The following HSPBAP1 variants were observed in gnomAD, a reference collection of about 807,000 sequenced individuals.
HSPBAP1 encodes HSPB1-associated protein 1.
In HSPBAP1, 27 loss-of-function variants were observed where a neutral mutation model predicts 45.2. The ratio of observed to expected loss-of-function variants is 0.60; its 90% CI spans 0.44 to 0.82. The LOEUF (loss-of-function observed/expected upper bound fraction) is 0.82. Ranked by LOEUF, HSPBAP1 falls within the 40% of genes least tolerant of loss-of-function variation. The pLI, the probability that HSPBAP1 is intolerant of heterozygous loss-of-function variation, is 0.00. For synonymous variants in HSPBAP1, 204 were observed against 202.7 expected, an observed-to-expected ratio of 1.01 and a Z score of -0.06; for missense variants, 510 against 590.9, an observed-to-expected ratio of 0.86 and a Z score of 1.42.
Position 122,780,114 on chromosome 3 carries a change from G to A in HSPBAP1, c.65-2208C>T, listed in dbSNP as rs1935361066. Among the ~76,000 whole-genome samples, 3 of 146,428 alleles carry A rather than the reference G, an allele frequency of 2.0e-5. No individual in the cohort carries two copies. The South Asian group carries it at 6.6e-4, about 32-fold the overall frequency. On this transcript the variant is annotated intron_variant, in intron 1 of 7. Transcript: ENST00000306103. ...CAGAGGCGCCCCTCACCTCCCGGACGGGGCGGCTGGCCGGGCGGGGAGCTG... is the reference window on the plus strand; with the variant it reads ...CAGAGGCGCCCCTCACCTCCCGGACAGGGCGGCTGGCCGGGCGGGGAGCTG...
Position 122,740,548 on chromosome 3 carries a change from C to T in HSPBAP1, c.1264G>A (p.Gly422Arg), listed in dbSNP as rs1203860706. 4.3e-6 allele frequency: 7 copies of T among 1,614,158 alleles called. No individual in the cohort carries two copies. The Admixed American group carries it at 1.2e-4, about 27-fold the overall frequency. The change falls in exon 8 of 8, where the codon GGA becomes AGA. Residue 422 changes from glycine (G) to arginine (R), a missense_variant. Transcript: ENST00000306103. ...SDGKDFVDKD[G>R]EHFGKLHCAK... The stretch of plus-strand genomic sequence containing the variant: ...CAATGCAATTTTCCAAAGTGTTCTC[C>T]ATCCTTGTCCACAAAGTCTTTCCCA...
chr3:122,791,596 G>A (rs1935832114), intron 1 of HSPBAP1, among the ~76,000 whole-genome samples: 1 of 152,254 alleles, frequency 6.6e-6, no homozygotes, highest in Admixed American at 6.5e-5. Flanking sequence ...AATGACAGAA[G>A]CAGGATGCTG....
At chr3:122,766,383 G>C (rs970681404) in intron 3 of HSPBAP1, among the ~76,000 whole-genome samples, 2 of 152,172 alleles carry the variant, frequency 1.3e-5, no homozygotes, top group Admixed American at 6.5e-5. Flanking sequence ...TTGGTGCCCA[G>C]AAAATTTTGA....
At chr3:122,782,196 C>T (rs1490568936) in intron 1 of HSPBAP1, among the ~76,000 whole-genome samples, 3 of 152,094 alleles carry the variant, frequency 2.0e-5, no homozygotes, top group Admixed American at 6.5e-5. Flanking sequence ...CAATTCTACT[C>T]GTTATATCAC....
chr3:122,773,937 C>G (rs1935098301), intron 2 of HSPBAP1, among the ~76,000 whole-genome samples: 1 of 152,222 alleles, frequency 6.6e-6, no homozygotes, highest in Admixed American at 6.5e-5. Flanking sequence ...CCATGGCCAG[C>G]CTGAAAGATC....
chr3:122,772,903 G>A (rs1211075206), intron 2 of HSPBAP1, among the ~76,000 whole-genome samples: 1 of 151,910 alleles, frequency 6.6e-6, no homozygotes, highest in Non-Finnish European at 1.5e-5. Flanking sequence ...CCATTGCCCA[G>A]GCTGGAGGGC....
In HSPBAP1 at chr3:122,768,716, C is replaced by T; in HGVS notation, c.417G>A (p.Lys139=). Residue 139 remains lysine (K), a synonymous_variant, in exon 3 of 8, where the codon AAG becomes AAA. Transcript: ENST00000306103. ...YKYFVSLFED[K]TDLFQDVKWS... The stretch of plus-strand genomic sequence containing the variant: ...TCTGACTTACCTGGAAAAGATCTGT[C>T]TTGTCTTCAAATAGACTGACAAAAT... 6.2e-7 allele frequency: 1 copy of T among 1,611,240 alleles called. No homozygotes were observed. Among genetic ancestry groups the T allele is most frequent in the Non-Finnish European group, 8.5e-7 (1 of 1,177,582 alleles).
chr3:122,764,988 T>C (rs1259079909), intron 3 of HSPBAP1, among the ~76,000 whole-genome samples: 2 of 152,204 alleles, frequency 1.3e-5, no homozygotes, highest in African/African-American at 4.8e-5. Context: ...TTGTAACATG[T>C]CTTGGACTTT....
At chr3:122,766,753 G>T (rs1934795142) in intron 3 of HSPBAP1, among the ~76,000 whole-genome samples, 1 of 152,218 alleles carries the variant, frequency 6.6e-6, no homozygotes, top group South Asian at 2.1e-4. Flanking sequence ...AGCTCTGAAG[G>T]CAGACTATTT....
At chr3:122,747,616 A>G (rs372127884) in intron 6 of HSPBAP1, among the ~76,000 whole-genome samples, 10 of 123,264 alleles carry the variant, frequency 8.1e-5, no homozygotes, top group African/African-American at 1.8e-4. Context: ...CAGCCGCCCC[A>G]TCTGGGAGGG....
chr3:122,765,840 A>G (rs1239067639), intron 3 of HSPBAP1, among the ~76,000 whole-genome samples: 1 of 152,218 alleles, frequency 6.6e-6, no homozygotes. Context: ...ATAAGAGTAG[A>G]GAGTTCATTC....
Position 122,766,732 on chromosome 3 carries a change from G to C in HSPBAP1, c.432+1969C>G, listed in dbSNP as rs190221905. Among the ~76,000 whole-genome samples, 86 of 152,366 alleles carry C rather than the reference G, an allele frequency of 5.6e-4. 1 individual carries two copies. In the East Asian group the frequency reaches 8.9e-3, roughly 16 times the overall value. ...TAGGCACAGCAGTAATTAAAGCTCT[G>C]TAGTAGTTAAAGCTCTGAAGGCAGA... On this transcript the variant is annotated intron_variant, in intron 3 of 7. Coordinates refer to ENST00000306103, the MANE Select transcript of HSPBAP1 (RefSeq NM_024610.6).
chr3:122,793,769 C>A lies in HSPBAP1; in HGVS notation c.-89G>T, dbSNP rs748458045. On this transcript the variant is annotated 5_prime_UTR_variant, in exon 1 of 8. Transcript: ENST00000306103. ...AGGGGCCAAACTCCGAGACCCGAAGCTGCACCACAGGAAGGAGCCCCGGCG... is the reference window on the plus strand; with the variant it reads ...AGGGGCCAAACTCCGAGACCCGAAGATGCACCACAGGAAGGAGCCCCGGCG... The A allele has an allele frequency of 5.4e-5, 68 of 1,260,350 alleles. No homozygotes were observed. The highest frequency in any genetic ancestry group is 7.7e-5 in the Non-Finnish European group (67 of 874,934). The allele number at this position is 1,260,350 out of a possible 1,614,324, so 78.1% of individuals were successfully genotyped here. A position where few individuals can be genotyped will look rare whatever the true frequency, so the allele number is the denominator to read the frequency against.
intron 6 of HSPBAP1, among the ~76,000 whole-genome samples, chr3:122,746,360 G>T (rs1300641960): frequency 6.7e-6 from 1 of 149,220 alleles, no homozygotes; most frequent in Non-Finnish European, 1.5e-5. Flanking sequence ...AAAAACAGAG[G>T]CAAGAATAGC....
At chr3:122,746,623 C>CCT (rs1010213571) in intron 6 of HSPBAP1, among the ~76,000 whole-genome samples, 58 of 148,304 alleles carry the variant, frequency 3.9e-4, no homozygotes, top group African/African-American at 1.3e-3. Context: ...TCTCCTCTCT[C>CCT]CTCTCTCTCT....
At position 122,757,882 on chromosome 3, in the gene HSPBAP1, C is replaced by T. The variant is rs566674780; in HGVS notation, c.569+1342G>A. Among the ~76,000 whole-genome samples, 12 of 152,300 alleles carry T rather than the reference C, an allele frequency of 7.9e-5. No individual in the cohort carries two copies. In the South Asian group the frequency reaches 2.5e-3, roughly 32 times the overall value. The stretch of plus-strand genomic sequence containing the variant: ...GCTACTTAAAATGTTGTCTCTCTTA[C>T]CAAGTTTAAGGTTTCAGCCTGTTAA... On this transcript the variant is annotated intron_variant, in intron 4 of 7. Coordinates refer to ENST00000306103, the MANE Select transcript of HSPBAP1 (RefSeq NM_024610.6).
At chr3:122,779,492 T>TTTCTTTTATTTATTTA (rs755495858) in intron 1 of HSPBAP1, among the ~76,000 whole-genome samples, 1 of 144,318 alleles carries the variant, frequency 6.9e-6, no homozygotes, top group African/African-American at 2.5e-5. Flanking sequence ...ATATGTTTTC[T>TTTCTTTTATTTATTTA]TTTATTTATT....
intron 1 of HSPBAP1, among the ~76,000 whole-genome samples, chr3:122,783,389 G>A (rs1255932862): frequency 2.6e-5 from 4 of 152,108 alleles, no homozygotes; most frequent in East Asian, 1.9e-4. Context: ...CCTGGATTCC[G>A]CGTGTATGAA....
intron 3 of HSPBAP1, among the ~76,000 whole-genome samples, chr3:122,764,777 G>A (rs1358483499): frequency 6.6e-6 from 1 of 152,154 alleles, no homozygotes; most frequent in Non-Finnish European, 1.5e-5. Flanking sequence ...AGAATGACAA[G>A]TTTTACCTTT....
Sources: allele counts gnomAD v4.1 joint callset (sites outside exome capture counted in the v4.1 genomes callset), GRCh38; gene constraint gnomAD v4.1.1; transcripts MANE v1.5; gene names NCBI Gene and HGNC (gene_info 2026-07-23, HGNC 2026-07-21).